CNN1: variants seen among roughly 807,000 people sequenced by gnomAD.
CNN1 encodes calponin-1.
Under a neutral mutation model 35.3 loss-of-function variants are expected in CNN1, and 21 were observed. The ratio of observed to expected loss-of-function variants is 0.60; its 90% CI spans 0.42 to 0.86. CNN1 has a LOEUF of 0.86. Ranked by LOEUF, CNN1 falls within the 40% of genes least tolerant of loss-of-function variation. The probability of loss-of-function intolerance (pLI) is 0.00; values close to 1 mark genes in which losing one functional copy is unlikely to be tolerated. For missense variants in CNN1, 314 were observed against 400.8 expected, an observed-to-expected ratio of 0.78 and a Z score of 1.85; for synonymous variants, 164 against 161.8, an observed-to-expected ratio of 1.01 and a Z score of -0.10.
At chr19:11,547,567 G>A (rs1972617819) in intron 4 of CNN1, among the ~76,000 whole-genome samples, 1 of 152,094 alleles carries the variant, frequency 6.6e-6, no homozygotes, top group African/African-American at 2.4e-5. Flanking sequence ...AACAAAATTA[G>A]CCGGGCATGG....
At chr19:11,540,944 C>T in intron 1 of CNN1, 132 bp from the exon 2 acceptor site, 1 of 1,012,058 alleles carries the variant, frequency 9.9e-7, no homozygotes, top group Non-Finnish European at 1.4e-6. Context: ...GGATCTGGGG[C>T]AAAATTGCCT....
At chr19:11,540,070 G>A in intron 1 of CNN1, 2 of 1,037,174 alleles carry the variant, frequency 1.9e-6, no homozygotes, top group Non-Finnish European at 2.3e-6. Context: ...GGGAGAAGAA[G>A]AGGCAGCCCG....
In CNN1 at chr19:11,549,429, C is replaced by A; in HGVS notation, c.608C>A (p.Thr203Asn). ...LGTDQPLDQA[T>N]ISLQMGTNKG... The stretch of plus-strand genomic sequence containing the variant: ...ACAGACCAGCCTCTGGACCAGGCGA[C>A]CATCAGCCTGCAGATGGGCACCAAC... Residue 203 changes from threonine to asparagine, a missense_variant, in exon 6 of 7, where the codon ACC becomes AAC. Physicochemically the swap from Thr to Asn is moderately conservative, Grantham distance 65. Coordinates refer to ENST00000252456, the MANE Select transcript of CNN1 (RefSeq NM_001299.6). The surrounding 1 kb of genome is among the most constrained non-coding windows in gnomAD (Gnocchi z 5.2). The A allele has an allele frequency of 6.2e-7, 1 of 1,613,848 alleles. No individual in the cohort carries two copies. The highest frequency in any genetic ancestry group is 8.5e-7 in the Non-Finnish European group (1 of 1,179,958).
rs1972600376 is a variant in CNN1 at position 11,546,926 on chromosome 19, A to G, written c.347A>G (p.Asn116Ser). 6.2e-7 allele frequency: 1 copy of G among 1,613,972 alleles called. No individual in the cohort carries two copies. The highest frequency in any genetic ancestry group is 8.5e-7 in the Non-Finnish European group (1 of 1,180,024). The part of the protein sequence containing the change: ...FEANDLFENT[N>S]HTQVQSTLLA... ...GCCAACGACCTGTTTGAGAACACCAACCATACACAGGTGCAGTCCACCCTC... is the reference window on the plus strand; with the variant it reads ...GCCAACGACCTGTTTGAGAACACCAGCCATACACAGGTGCAGTCCACCCTC... Residue 116 changes from asparagine to serine, a missense_variant, in exon 4 of 7, where the codon AAC (asparagine) becomes AGC (serine). Transcript: ENST00000252456.
Position 11,549,739 on chromosome 19 carries a change from G to C in CNN1, c.838G>C (p.Glu280Gln). 1 of 1,614,140 alleles carries C rather than the reference G, an allele frequency of 6.2e-7. No individual in the cohort carries two copies. Among genetic ancestry groups the C allele is most frequent in the Non-Finnish European group, 8.5e-7 (1 of 1,179,972 alleles). The part of the protein sequence containing the change: ...PKYCLTPEYP[E>Q]LGEPAHNHHA... ...GTACTGTCTGACTCCCGAGTACCCA[G>C]AGCTGGGTGAGCCCGCCCACAACCA... Residue 280 changes from glutamate (E) to glutamine (Q), a missense_variant, in exon 7 of 7, where the codon GAG (glutamate) becomes CAG (glutamine). Coordinates refer to ENST00000252456, the MANE Select transcript of CNN1 (RefSeq NM_001299.6). This position sits in a 1 kb window ranked among gnomAD's most constrained non-coding sequence, Gnocchi z 5.2.
chr19:11,545,138 T>A (rs1599606862), intron 2 of CNN1, among the ~76,000 whole-genome samples: 1 of 150,428 alleles, frequency 6.6e-6, no homozygotes, highest in African/African-American at 2.4e-5. Context: ...GAGACAGAGG[T>A]TGCAGTGAGC....
intron 1 of CNN1, chr19:11,540,191 G>A (rs764111894): frequency 6.7e-4 from 287 of 431,212 alleles, no homozygotes; most frequent in Admixed American, 1.4e-3. Flanking sequence ...AGGGAGGTGG[G>A]GGGAGAGGCA....
intron 2 of CNN1, among the ~76,000 whole-genome samples, chr19:11,543,541 G>A (rs1972511778): frequency 6.6e-6 from 1 of 151,760 alleles, no homozygotes; most frequent in African/African-American, 2.4e-5. Flanking sequence ...AGCACTTTGG[G>A]AGGCTGAGGC....
At chr19:11,544,149 T>G (rs1047493859) in intron 2 of CNN1, among the ~76,000 whole-genome samples, 3 of 151,638 alleles carry the variant, frequency 2.0e-5, no homozygotes, top group African/African-American at 7.3e-5. Context: ...GTCGTAAGTG[T>G]CCTGGGGAAA....
chr19:11,541,287 G>C (rs1434719454), intron 2 of CNN1, 90 bp downstream of exon 2: 7 of 1,442,466 alleles, frequency 4.9e-6, no homozygotes, highest in Non-Finnish European at 5.5e-6. Flanking sequence ...TCCTGGAACT[G>C]AGTTGAACAC....
At chr19:11,544,341 C>T (rs1449398863) in intron 2 of CNN1, among the ~76,000 whole-genome samples, 5 of 151,960 alleles carry the variant, frequency 3.3e-5, no homozygotes, top group African/African-American at 1.2e-4. Context: ...AGTGCAAAGG[C>T]GTGAGGTAGG....
At chr19:11,547,536 C>G (rs1448380608) in intron 4 of CNN1, among the ~76,000 whole-genome samples, 2 of 152,092 alleles carry the variant, frequency 1.3e-5, no homozygotes, top group East Asian at 1.9e-4. Context: ...TGGTGAAACC[C>G]TGTCTCTACT....
intron 1 of CNN1, chr19:11,540,189 G>T (rs556753212): frequency 4.9e-5 from 21 of 431,414 alleles, no homozygotes; most frequent in East Asian, 3.2e-4. Context: ...GCAGGGAGGT[G>T]GGGGGAGAGG....
intron 2 of CNN1, among the ~76,000 whole-genome samples, chr19:11,545,940 T>G (rs533377088): frequency 1.3e-5 from 2 of 150,118 alleles, no homozygotes; most frequent in African/African-American, 2.5e-5. Context: ...CTCTCCAGCC[T>G]GGGCGACAAA....
chr19:11,545,200 C>T (rs746415787), intron 2 of CNN1, among the ~76,000 whole-genome samples: 36 of 144,578 alleles, frequency 2.5e-4, no homozygotes, highest in East Asian at 2.4e-3. Context: ...GACTCCATCT[C>T]GGAAAAAAAA....
intron 2 of CNN1, among the ~76,000 whole-genome samples, chr19:11,542,863 C>T (rs778051624): frequency 9.9e-5 from 15 of 152,142 alleles, no homozygotes; most frequent in Admixed American, 3.3e-4. Flanking sequence ...CGTGAGCCAC[C>T]GCGCCCGGCT....
Position 11,549,267 on chromosome 19 carries a change from CA to C in CNN1, c.502-55del. On this transcript the variant is annotated intron_variant, in intron 5 of 6. Transcript: ENST00000252456. The surrounding 1 kb of genome is among the most constrained non-coding windows in gnomAD (Gnocchi z 5.2). ...TCATCCTCTCCCATCAGCTATGCCTCATGGCCCATGATGAGGTCTGTAATTA... is the reference window on the plus strand; with the variant it reads ...TCATCCTCTCCCATCAGCTATGCCTCTGGCCCATGATGAGGTCTGTAATTA... 6.3e-7 allele frequency: 1 copy of C among 1,592,968 alleles called. No individual in the cohort carries two copies. Among genetic ancestry groups the C allele is most frequent in the Non-Finnish European group, 8.6e-7 (1 of 1,162,744 alleles).
chr19:11,540,720 G>C (rs564065267), intron 1 of CNN1: 1 of 190,876 alleles, frequency 5.2e-6, no homozygotes, highest in Non-Finnish European at 1.1e-5. Flanking sequence ...CACAGAGGGG[G>C]CAGGGCTAGA....
chr19:11,549,230 TA>T lies in CNN1; in HGVS notation c.502-90del. 7.6e-7 allele frequency: 1 copy of T among 1,311,050 alleles called. No homozygotes were observed. Among genetic ancestry groups the T allele is most frequent in the Non-Finnish European group, 1.0e-6 (1 of 969,442 alleles). The allele number at this position is 1,311,050 out of a possible 1,614,324, so 81.2% of individuals were successfully genotyped here. ...ATAAAATAAAAATTGAAAAAAATGA[TA>T]AAGCGGCGCCTCATCCTCTCCCATC... is the stretch of plus-strand genomic sequence containing the variant. On this transcript the variant is annotated intron_variant, in intron 5 of 6. Transcript: ENST00000252456. This position sits in a 1 kb window ranked among gnomAD's most constrained non-coding sequence, Gnocchi z 5.2.
Sources: gnomAD v4.1 joint callset for allele counts (sites outside exome capture counted in the v4.1 genomes callset) on GRCh38, gnomAD v4.1.1 for gene constraint, Gnocchi (gnomAD v3.1) non-coding constraint, MANE v1.5 for transcripts, NCBI Gene and HGNC (gene_info 2026-07-23, HGNC 2026-07-21) for gene names.